Variants in MSI1 observed in about 807,000 individuals in gnomAD.
The protein encoded by MSI1 is RNA-binding protein Musashi homolog 1.
A neutral mutation model predicts 54.4 loss-of-function variants in MSI1; 15 were observed. That is an observed-to-expected ratio of 0.28 (90% CI 0.18 to 0.42). MSI1 has a LOEUF of 0.42. MSI1 is among the 20% of genes least tolerant of loss of function. The pLI, the probability that MSI1 is intolerant of heterozygous loss-of-function variation, is 1.00. For missense variants in MSI1, 304 were observed against 506.0 expected (o/e 0.60, Z 3.83); for synonymous variants, 200 against 196.5 (o/e 1.02, Z -0.15).
At chr12:120,346,371 C>T in intron 12 of MSI1, 49 bp from the exon 13 acceptor site, 1 of 1,448,912 alleles carries the variant, frequency 6.9e-7, no homozygotes, top group Non-Finnish European at 9.2e-7. Flanking sequence ...CCTCTGCCAC[C>T]CCACGGCACC....
chr12:120,343,515 C>T (rs1873860936), intron 14 of MSI1, among the ~76,000 whole-genome samples: 1 of 152,060 alleles, frequency 6.6e-6, no homozygotes, highest in Non-Finnish European at 1.5e-5. Context: ...TGAGCCACCA[C>T]ACCCAGCCAG....
chr12:120,352,193 G>C (rs1450614362), intron 10 of MSI1, among the ~76,000 whole-genome samples: 1 of 151,930 alleles, frequency 6.6e-6, no homozygotes, highest in Non-Finnish European at 1.5e-5. Context: ...AACTTGTAGA[G>C]ACAAGGCCTC....
Position 120,357,552 on chromosome 12 carries a change from C to T in MSI1, c.534+264G>A, listed in dbSNP as rs181011996. Among the ~76,000 whole-genome samples the T allele has an allele frequency of 5.9e-5, 9 of 152,320 alleles. No individual in the cohort carries two copies. The East Asian group carries it at 1.5e-3, about 26-fold the overall frequency. On this transcript the variant is annotated intron_variant, in intron 8 of 14. Coordinates refer to ENST00000257552, the MANE Select transcript of MSI1 (RefSeq NM_002442.4). ...AGTCTCACTCACTCTGTTGCCCAGGCTGAAGTGCAGTGGCACAATCTCAGC... is the reference window on the plus strand; with the variant it reads ...AGTCTCACTCACTCTGTTGCCCAGGTTGAAGTGCAGTGGCACAATCTCAGC...
chr12:120,347,245 C>T (rs1255885660), intron 12 of MSI1, among the ~76,000 whole-genome samples: 1 of 152,248 alleles, frequency 6.6e-6, no homozygotes, highest in East Asian at 1.9e-4. Flanking sequence ...CCACCGCGCC[C>T]AGCCGACCCT....
chr12:120,360,264 C>T (rs189751419), intron 6 of MSI1, among the ~76,000 whole-genome samples: 330 of 152,282 alleles, frequency 2.2e-3, no homozygotes, highest in Middle Eastern at 3.4e-3. Context: ...GGATTACAGG[C>T]GTGAGCCACC....
intron 6 of MSI1, among the ~76,000 whole-genome samples, chr12:120,362,491 C>T (rs1292047374): frequency 1.3e-4 from 20 of 152,294 alleles, no homozygotes; most frequent in Admixed American, 1.0e-3. Context: ...AGCTCACAGC[C>T]AATCCTCTGG....
chr12:120,345,543 A>C (rs2136893968), intron 14 of MSI1, 27 bp downstream of exon 14: 2 of 1,589,228 alleles, frequency 1.3e-6, no homozygotes, highest in Non-Finnish European at 1.7e-6. Context: ...GTGCCACCCC[A>C]CCACCTGCCC....
In MSI1 at chr12:120,359,048, G is replaced by A. The variant is rs755538859; in HGVS notation, c.408C>T (p.Asp136=). The A allele has an allele frequency of 1.7e-5, 26 of 1,556,630 alleles. No homozygotes were observed. The highest frequency in any genetic ancestry group is 7.2e-5 in the East Asian group (3 of 41,704). ...TTTTGTCAAACATCAGCATGGCGTC[G>A]TCCACCTGAAACACAGCCCGCCATG... The part of the protein sequence containing the change: ...KQYFEQFGKV[D]DAMLMFDKTT... The change falls in exon 7 of 15, where the codon GAC becomes GAT. Residue 136 remains aspartate (D), a synonymous_variant. Coordinates refer to ENST00000257552, the MANE Select transcript of MSI1 (RefSeq NM_002442.4).
At chr12:120,345,684 A>G (rs527788099) in intron 13 of MSI1, 52 bp from the exon 14 acceptor site, 25 of 1,601,402 alleles carry the variant, frequency 1.6e-5, no homozygotes, top group Non-Finnish European at 2.1e-5. Context: ...GAGGAAGATC[A>G]GGGGCTCCTT....
rs557201609 is a variant in MSI1, at chr12:120,342,811, G to C, written c.*316C>G. 2 of 150,320 alleles carry C rather than the reference G, an allele frequency of 1.3e-5. No individual in the cohort carries two copies. Among genetic ancestry groups the C allele is most frequent in the Non-Finnish European group, 3.0e-5 (2 of 67,606 alleles). The allele number at this position is 150,320 out of a possible 1,614,324, so 9.3% of individuals were successfully genotyped here. On this transcript the variant is annotated 3_prime_UTR_variant, in exon 15 of 15. Transcript: ENST00000257552. ...GGAGGGGGCGGTCCTAGGGGGGCGC[G>C]GCACGGAGGGAGGGATGGACCAGAG...
chr12:120,362,970 A>C, intron 6 of MSI1, 73 bp downstream of exon 6: 2 of 1,287,394 alleles, frequency 1.6e-6, no homozygotes, highest in Non-Finnish European at 2.2e-6. Context: ...ACCTGGCTGG[A>C]TTCGGCTTGC....
At chr12:120,358,604 T>C (rs1470145827) in intron 7 of MSI1, among the ~76,000 whole-genome samples, 1 of 151,946 alleles carries the variant, frequency 6.6e-6, no homozygotes, top group African/African-American at 2.4e-5. Flanking sequence ...TGCTCACAGG[T>C]TCAGAGGCAA....
intron 6 of MSI1, among the ~76,000 whole-genome samples, chr12:120,359,547 CT>C (rs1875453326): frequency 6.6e-6 from 1 of 152,192 alleles, no homozygotes; most frequent in Admixed American, 6.5e-5. Context: ...TTGAGGTTTC[CT>C]TTTGCTAGAG....
At chr12:120,344,939 C>A (rs540753660) in intron 14 of MSI1, among the ~76,000 whole-genome samples, 1 of 151,506 alleles carries the variant, frequency 6.6e-6, no homozygotes, top group South Asian at 2.1e-4. Context: ...TTGCTTGAAC[C>A]CAGGGGACGA....
At chr12:120,355,590 AT>A (rs1325975519) in intron 9 of MSI1, among the ~76,000 whole-genome samples, 3 of 152,216 alleles carry the variant, frequency 2.0e-5, no homozygotes, top group African/African-American at 7.2e-5. Flanking sequence ...GTGTCTATAC[AT>A]GTGTACATAC....
At chr12:120,365,878 C>T (rs1451724157) in intron 4 of MSI1, among the ~76,000 whole-genome samples, 1 of 152,176 alleles carries the variant, frequency 6.6e-6, no homozygotes, top group African/African-American at 2.4e-5. Flanking sequence ...ACCCGCTTTT[C>T]CCAGGGGCAG....
rs187438641 is a variant in MSI1 at position 120,341,511 on chromosome 12, A to G, written c.*1616T>C. 6.6e-6 allele frequency: 1 copy of G among 152,308 alleles called. No individual in the cohort carries two copies. Among genetic ancestry groups the G allele is most frequent in the East Asian group, 1.9e-4 (1 of 5,174 alleles). The allele number at this position is 152,308 out of a possible 1,614,324, so 9.4% of individuals were successfully genotyped here. The stretch of plus-strand genomic sequence containing the variant: ...CAGAAAACGGAATTCCAGGGTCCTG[A>G]GCCCATGGTTGGGCCCAGTGGGGTG... On this transcript the variant is annotated 3_prime_UTR_variant, in exon 15 of 15. Transcript: ENST00000257552.
In MSI1 at chr12:120,368,709, G is replaced by T; in HGVS notation, c.100+124C>A. On this transcript the variant is annotated intron_variant, in intron 2 of 14. Coordinates refer to ENST00000257552, the MANE Select transcript of MSI1 (RefSeq NM_002442.4). This position sits in a 1 kb window ranked among gnomAD's most constrained non-coding sequence, Gnocchi z 6.6. ...CTCTCGGGGTCTCCGGGCGGGGCGC[G>T]AAAGAGGGCGCGAGGGCGCCCGGGG... 2.2e-6 allele frequency: 2 copies of T among 922,760 alleles called. No individual in the cohort carries two copies. Among genetic ancestry groups the T allele is most frequent in the Non-Finnish European group, 2.8e-6 (2 of 713,858 alleles). The allele number at this position is 922,760 out of a possible 1,614,324, so 57.2% of individuals were successfully genotyped here. A position where few individuals can be genotyped will look rare whatever the true frequency, so the allele number is the denominator to read the frequency against.
intron 14 of MSI1, among the ~76,000 whole-genome samples, chr12:120,344,568 G>C (rs1034530297): frequency 2.0e-5 from 3 of 152,070 alleles, no homozygotes; most frequent in African/African-American, 7.2e-5. Flanking sequence ...ACTTAGCCAG[G>C]CATGGTGGCA....
Sources: gnomAD v4.1 joint callset for allele counts (sites outside exome capture counted in the v4.1 genomes callset) on GRCh38, gnomAD v4.1.1 for gene constraint, Gnocchi (gnomAD v3.1) non-coding constraint, MANE v1.5 for transcripts, NCBI Gene and HGNC (gene_info 2026-07-23, HGNC 2026-07-21) for gene names.